TSC22D1: variants seen among roughly 807,000 people sequenced by gnomAD.
TSC22D1 encodes TSC22 domain family member 1.
TSC22D1 carries 9 observed loss-of-function variants against 74.2 expected under a neutral mutation model. That is an observed-to-expected ratio of 0.12 (90% CI 0.07 to 0.21). The LOEUF (loss-of-function observed/expected upper bound fraction) is 0.21. Among genes scored for constraint, TSC22D1 ranks in the 10% least tolerant of loss-of-function variants. The pLI, the probability that TSC22D1 is intolerant of heterozygous loss-of-function variation, is 1.00. For missense variants in TSC22D1, 1,427 were observed against 1,304.7 expected, an observed-to-expected ratio of 1.09 and a Z score of -1.44; for synonymous variants, 586 against 492.5, an observed-to-expected ratio of 1.19 and a Z score of -2.51.
chr13:44,463,423 T>C (rs1877106407), intron 1 of TSC22D1, among the ~76,000 whole-genome samples: 1 of 152,206 alleles, frequency 6.6e-6, no homozygotes, highest in Admixed American at 6.5e-5. Context: ...CTAGCTAAAC[T>C]GCAGTTTAAT....
At chr13:44,527,174 A>C (rs1880587319) in intron 1 of TSC22D1, among the ~76,000 whole-genome samples, 1 of 152,164 alleles carries the variant, frequency 6.6e-6, no homozygotes, top group East Asian at 1.9e-4. Context: ...TGTCTTGAAA[A>C]AAATGTTAAA....
chr13:44,498,100 C>CAAA (rs111304299), intron 1 of TSC22D1, among the ~76,000 whole-genome samples: 3 of 137,972 alleles, frequency 2.2e-5, no homozygotes, highest in Non-Finnish European at 4.8e-5. Context: ...AAAAAAAAAC[C>CAAA]AAAAAAAAAA....
At chr13:44,481,782 A>G (rs1202561489) in intron 1 of TSC22D1, among the ~76,000 whole-genome samples, 2 of 152,170 alleles carry the variant, frequency 1.3e-5, no homozygotes, top group South Asian at 2.1e-4. Context: ...AGAATGTGCA[A>G]TGGGCCATAC....
chr13:44,519,509 C>A (rs1052357630), intron 1 of TSC22D1, among the ~76,000 whole-genome samples: 1 of 152,050 alleles, frequency 6.6e-6, no homozygotes, highest in East Asian at 1.9e-4. Flanking sequence ...AAGAACATCA[C>A]AAGAGACGTC....
chr13:44,493,374 T>C (rs995726247), intron 1 of TSC22D1, among the ~76,000 whole-genome samples: 2 of 152,144 alleles, frequency 1.3e-5, no homozygotes, highest in Non-Finnish European at 2.9e-5. Flanking sequence ...CAAAAGACAC[T>C]TGCCTTACTT....
intron 1 of TSC22D1, among the ~76,000 whole-genome samples, chr13:44,530,044 T>C (rs577788750): frequency 2.0e-5 from 3 of 152,208 alleles, no homozygotes; most frequent in East Asian, 1.9e-4. Flanking sequence ...AATCCTGGCA[T>C]GGTGGATACA....
intron 1 of TSC22D1, among the ~76,000 whole-genome samples, chr13:44,570,188 C>CT (rs1258759696): frequency 0.022 from 2,864 of 132,400 alleles, 89 homozygotes; most frequent in African/African-American, 0.064. Flanking sequence ...GACATTAAGA[C>CT]TTTTTTTTTT....
intron 1 of TSC22D1, among the ~76,000 whole-genome samples, chr13:44,481,765 T>A (rs1878187837): frequency 6.6e-6 from 1 of 152,152 alleles, no homozygotes; most frequent in South Asian, 2.1e-4. Context: ...CCTCTTTATG[T>A]CCTCCTAGAA....
chr13:44,472,439 T>C (rs1244353189), intron 1 of TSC22D1, among the ~76,000 whole-genome samples: 2 of 152,172 alleles, frequency 1.3e-5, no homozygotes, highest in African/African-American at 2.4e-5. Flanking sequence ...CTCTCAACCA[T>C]TGACATATCT....
intron 1 of TSC22D1, among the ~76,000 whole-genome samples, chr13:44,498,100 C>CA (rs111304299): frequency 0.1 from 14,254 of 137,952 alleles, 800 homozygotes; most frequent in Non-Finnish European, 0.14. Context: ...AAAAAAAAAC[C>CA]AAAAAAAAAA....
chr13:44,444,278 C>CAAAAA lies in TSC22D1; in HGVS notation c.2913-8188_2913-8184dup, dbSNP rs71070905. Among the ~76,000 whole-genome samples, 142 of 17,622 alleles carry CAAAAA rather than the reference C, an allele frequency of 8.1e-3. 9 individuals carry two copies. Among genetic ancestry groups the CAAAAA allele is most frequent in the East Asian group, 0.018 (10 of 544 alleles). The allele number at this position is 17,622 out of a possible 152,430, so 11.6% of individuals were successfully genotyped here. On this transcript the variant is annotated intron_variant, in intron 1 of 2. Coordinates refer to ENST00000458659, the MANE Select transcript of TSC22D1 (RefSeq NM_183422.4). ...TGGGGAACAGAGCAAGACTCTGTCT[C>CAAAAA]AAAAAAAAAAAAAAAAAAAAAAAAA...
At chr13:44,561,813 G>A (rs2138199709) in intron 1 of TSC22D1, among the ~76,000 whole-genome samples, 1 of 152,124 alleles carries the variant, frequency 6.6e-6, no homozygotes, top group African/African-American at 2.4e-5. Flanking sequence ...TTTAAAATAG[G>A]TGAAAAAAAG....
At chr13:44,576,809 G>T (rs1435499691), upstream of TSC22D1, among the ~76,000 whole-genome samples, 1 of 151,394 alleles carries the variant, frequency 6.6e-6, no homozygotes, top group Non-Finnish European at 1.5e-5. Context: ...CAGAGACGCC[G>T]GGTCCTCGCG....
chr13:44,531,974 T>C (rs1880864071), intron 1 of TSC22D1, among the ~76,000 whole-genome samples: 1 of 152,234 alleles, frequency 6.6e-6, no homozygotes, highest in African/African-American at 2.4e-5. Flanking sequence ...AAGTTTATTT[T>C]CTTCTCAATA....
rs2138832390 is a variant in TSC22D1 at position 44,432,543 on chromosome 13, G to C, written c.*2083C>G. 6.9e-6 allele frequency: 1 copy of C among 144,914 alleles called. No individual in the cohort carries two copies. Among genetic ancestry groups the C allele is most frequent in the East Asian group, 2.1e-4 (1 of 4,708 alleles). The allele number at this position is 144,914 out of a possible 1,614,324, so 9.0% of individuals were successfully genotyped here. ...ACAACTGCTATCAGCCTATGGCAGT[G>C]AGCCATCCATCATTTCAACAGGATG... On this transcript the variant is annotated 3_prime_UTR_variant, in exon 3 of 3. Coordinates refer to ENST00000458659, the MANE Select transcript of TSC22D1 (RefSeq NM_183422.4).
In TSC22D1 at chr13:44,573,268, G is replaced by A. The variant is rs1883903023; in HGVS notation, c.2807C>T (p.Ser936Leu). 1.2e-6 allele frequency: 2 copies of A among 1,614,206 alleles called. No individual in the cohort carries two copies. The highest frequency in any genetic ancestry group is 8.5e-7 in the Non-Finnish European group (1 of 1,180,038). ...GCTGCTACTCCCATCTGAAACTGCT[G>A]ACATTCCCCCACTGTCACCACTGAT... ...QTISGDSGGM[S>L]AVSDGSSSSL... The change falls in exon 1 of 3, where the codon TCA (serine) becomes TTA (leucine). Residue 936 changes from serine to leucine, a missense_variant. Transcript: ENST00000458659.
chr13:44,542,480 TA>T (rs1331122922), intron 1 of TSC22D1, among the ~76,000 whole-genome samples: 1 of 152,054 alleles, frequency 6.6e-6, no homozygotes, highest in South Asian at 2.1e-4. Flanking sequence ...AACTTAGATT[TA>T]AAAAACCAAA....
Position 44,574,269 on chromosome 13 carries a change from T to C in TSC22D1, c.1806A>G (p.Gln602=). 6.2e-7 allele frequency: 1 copy of C among 1,614,146 alleles called. No homozygotes were observed. Among genetic ancestry groups the C allele is most frequent in the African/African-American group, 1.3e-5 (1 of 75,020 alleles). Residue 602 remains glutamine (Q), a synonymous_variant, in exon 1 of 3, where the codon CAA becomes CAG. Transcript: ENST00000458659. ...CCGCCTGAGAATATGGTAGCTGGGG[T>C]TGAGCCAAACTGGAAATGGAAGGCT... ...GQQPSISSLA[Q]PQLPYSQAAP...
At chr13:44,447,898 G>A (rs1456659703) in intron 1 of TSC22D1, among the ~76,000 whole-genome samples, 1 of 147,716 alleles carries the variant, frequency 6.8e-6, no homozygotes, top group African/African-American at 2.5e-5. Flanking sequence ...CAATGGGAGA[G>A]AGAGATGGGG....
Sources: allele counts gnomAD v4.1 joint callset (sites outside exome capture counted in the v4.1 genomes callset), GRCh38; gene constraint gnomAD v4.1.1; transcripts MANE v1.5; gene names NCBI Gene and HGNC (gene_info 2026-07-23, HGNC 2026-07-21).